Variants in NAPSA observed in about 807,000 individuals in gnomAD.
NAPSA encodes napsin-A.
Under a neutral mutation model 36.7 loss-of-function variants are expected in NAPSA, and 37 were observed. The ratio of observed to expected loss-of-function variants is 1.01; its 90% confidence interval spans 0.78 to 1.33. NAPSA has a LOEUF of 1.33. Among genes scored for constraint, NAPSA ranks in the 40% most tolerant of loss-of-function variants. The probability of loss-of-function intolerance (pLI) is 0.00; values close to 1 mark genes in which losing one functional copy is unlikely to be tolerated. For synonymous variants in NAPSA, 222 were observed against 234.5 expected, an observed-to-expected ratio of 0.95 and a Z score of 0.49; for missense variants, 532 against 543.8, an observed-to-expected ratio of 0.98 and a Z score of 0.21.
rs750473125 is a variant in NAPSA, at chr19:50,358,640, G to A, written c.1176C>T (p.Ser392=). Residue 392 remains serine (S), a synonymous_variant, in exon 9 of 9, where the codon AGC becomes AGT. Transcript: ENST00000253719. ...CGCGCGCCAGGCCCACCCGGGCGCT[G>A]CTCTTCATGTCCCCGCGGTCGAAGA... ...VAVFDRGDMK[S]SARVGLARAR... is the part of the protein sequence containing the mutation. 6.2e-7 allele frequency: 1 copy of A among 1,613,012 alleles called. No individual in the cohort carries two copies. Among genetic ancestry groups the A allele is most frequent in the Non-Finnish European group, 8.5e-7 (1 of 1,179,902 alleles).
chr19:50,361,617 G>A (rs2037474173), intron 4 of NAPSA, 46 bp downstream of exon 4: 15 of 1,493,606 alleles, frequency 1.0e-5, no homozygotes, highest in African/African-American at 1.4e-5. Flanking sequence ...CTTAGACAAT[G>A]GGGTTCTCCC....
rs2037434522 is a variant in NAPSA, at chr19:50,359,028, G to A, written c.1018C>T (p.His340Tyr). Reference protein sequence around the residue: ...LGGVWFNLTAHDYVIQTTRNG... With the variant: ...LGGVWFNLTAYDYVIQTTRNG... ...CCACCTACCTGGATGACGTAATCATGGGCCGTGAGGTTAAACCAGACCCCC... is the reference window on the plus strand; with the variant it reads ...CCACCTACCTGGATGACGTAATCATAGGCCGTGAGGTTAAACCAGACCCCC... The change falls in exon 8 of 9, where the codon CAT becomes TAT. Residue 340 changes from histidine to tyrosine, a missense_variant. His to Tyr is a moderately conservative substitution (Grantham distance 83). Around this residue, in one of 3 missense-constraint regions of NAPSA, gnomAD observed 385 missense variants for 371.5 expected, o/e 1.04. Transcript: ENST00000253719. The A allele has an allele frequency of 6.2e-6, 10 of 1,613,864 alleles. No individual in the cohort carries two copies. Among genetic ancestry groups the A allele is most frequent in the Non-Finnish European group, 7.6e-6 (9 of 1,179,790 alleles).
chr19:50,361,609 T>TA, intron 4 of NAPSA, 54 bp downstream of exon 4: 1 of 1,471,000 alleles, frequency 6.8e-7, no homozygotes, highest in Non-Finnish European at 9.5e-7. Context: ...CAGATGATCT[T>TA]AGACAATGGG....
At chr19:50,368,022 G>A (rs1449724951), upstream of NAPSA, among the ~76,000 whole-genome samples, 1 of 152,062 alleles carries the variant, frequency 6.6e-6, no homozygotes, top group African/African-American at 2.4e-5. Flanking sequence ...GCCAGGCGTG[G>A]TGGTCAGCGC....
At chr19:50,360,791 C>T (rs2037461146) in intron 5 of NAPSA, 150 bp downstream of exon 5, 4 of 746,518 alleles carry the variant, frequency 5.4e-6, no homozygotes, top group South Asian at 3.8e-5. Flanking sequence ...GATGCAACTT[C>T]TTGTATTGAA....
At chr19:50,366,646 G>GTTAT (rs56341915), upstream of NAPSA, among the ~76,000 whole-genome samples, 26,065 of 144,966 alleles carry the variant, frequency 0.18, 2,908 homozygotes, top group Non-Finnish European at 0.24. Context: ...GCATTGATGA[G>GTTAT]TTATTTATTT....
Position 50,359,513 on chromosome 19 carries a change from A to G in NAPSA, c.926T>C (p.Leu309Pro). ...AGACTGGGACCTCACCTCCCCAGCC[A>G]GCAAGGGGATTCCCCCAATGGCTGC... ...LHAAIGGIPL[L>P]AGEYIILCSE... Residue 309 changes from leucine to proline, a missense_variant, in exon 7 of 9, where the codon CTG (leucine) becomes CCG (proline). Physicochemically the swap from Leu to Pro is moderately conservative, Grantham distance 98. Around this residue, in one of 3 missense-constraint regions of NAPSA, gnomAD observed 385 missense variants for 371.5 expected, o/e 1.04. Coordinates refer to ENST00000253719, the MANE Select transcript of NAPSA (RefSeq NM_004851.3). 4.3e-6 allele frequency: 7 copies of G among 1,614,142 alleles called. No individual in the cohort carries two copies. The highest frequency in any genetic ancestry group is 5.1e-6 in the Non-Finnish European group (6 of 1,180,016).
At chr19:50,368,610 T>G (rs2037578302), upstream of NAPSA, among the ~76,000 whole-genome samples, 1 of 152,090 alleles carries the variant, frequency 6.6e-6, no homozygotes, top group South Asian at 2.1e-4. Flanking sequence ...CCCCCCTTTG[T>G]TTTCTCAGTC....
At chr19:50,360,838 C>G in intron 5 of NAPSA, 103 bp downstream of exon 5, 1 of 1,169,044 alleles carries the variant, frequency 8.6e-7, no homozygotes. Context: ...AAGTGGGTGA[C>G]TCTGAGAATG....
At chr19:50,366,208 C>A (rs2037547851), upstream of NAPSA, among the ~76,000 whole-genome samples, 2 of 150,370 alleles carry the variant, frequency 1.3e-5, no homozygotes, top group Admixed American at 1.3e-4. Context: ...TTTTTGAGAC[C>A]GAGTTTCACT....
At chr19:50,366,189 GTT>G (rs35291240), upstream of NAPSA, among the ~76,000 whole-genome samples, 2 of 143,114 alleles carry the variant, frequency 1.4e-5, no homozygotes. Context: ...TTGTTTTTTG[GTT>G]TTTTTTTTTT....
At chr19:50,361,892 C>A (rs536594316) in intron 3 of NAPSA, 77 bp downstream of exon 3, 8 of 1,599,970 alleles carry the variant, frequency 5.0e-6, no homozygotes, top group African/African-American at 2.7e-5. Context: ...TCCTCAAAAG[C>A]CTCTGAGAAG....
chr19:50,365,602 A>G lies in NAPSA; in HGVS notation c.20T>C (p.Leu7Pro). 6.2e-7 allele frequency: 1 copy of G among 1,612,566 alleles called. No individual in the cohort carries two copies. The highest frequency in any genetic ancestry group is 8.5e-7 in the Non-Finnish European group (1 of 1,179,474). ...AGGCAGCAGCAGCAGCAGGGGTTGC[A>G]GCAGCGGTGGTGGAGACATCGCTGG... The part of the protein sequence containing the change: MSPPPL[L>P]QPLLLLLPLL... The change falls in exon 1 of 9, where the codon CTG (leucine) becomes CCG (proline). Residue 7 changes from leucine (L) to proline (P), a missense_variant. By Grantham distance (98) the Leu-to-Pro change is moderately conservative (BLOSUM62 -3). Coordinates refer to ENST00000253719, the MANE Select transcript of NAPSA (RefSeq NM_004851.3).
rs1247407466 is a variant in NAPSA, at chr19:50,362,195, C to T, written c.202G>A (p.Val68Ile). 5.6e-6 allele frequency: 9 copies of T among 1,613,540 alleles called. No homozygotes were observed. The highest frequency in any genetic ancestry group is 4.0e-5 in the African/African-American group (3 of 74,924). Residue 68 changes from valine (V) to isoleucine (I), a missense_variant, in exon 2 of 9, where the codon GTA (valine) becomes ATA (isoleucine). Physicochemically the swap from Val to Ile is conservative, Grantham distance 29. Around this residue, in one of 3 missense-constraint regions of NAPSA, gnomAD observed 102 missense variants for 93.6 expected, o/e 1.09. Coordinates refer to ENST00000253719, the MANE Select transcript of NAPSA (RefSeq NM_004851.3). ...ACATCCCTGTAGTTCGAGAGAGGTA[C>T]GAAGATGGGCTTGTCCCCAGGGGAT... ...APSPGDKPIF[V>I]PLSNYRDVQY...
At position 50,362,022 on chromosome 19, in the gene NAPSA, G is replaced by T. The variant is rs776944945; in HGVS notation, c.296C>A (p.Ser99Tyr). ...CCTGGACGGGACCCAGAGATTGGAG[G>T]AGCCAGTGTCAAAGGCAACAGTGAA... is the stretch of plus-strand genomic sequence containing the variant. Reference protein sequence around the residue: ...QNFTVAFDTGSSNLWVPSRRC... With the variant: ...QNFTVAFDTGYSNLWVPSRRC... Residue 99 changes from serine to tyrosine, a missense_variant, in exon 3 of 9, where the codon TCC becomes TAC. This residue lies in a region of NAPSA where 45 missense variants were observed against 78.7 expected (regional missense o/e 0.57). Coordinates refer to ENST00000253719, the MANE Select transcript of NAPSA (RefSeq NM_004851.3). The T allele has an allele frequency of 6.2e-7, 1 of 1,610,742 alleles. No individual in the cohort carries two copies. The highest frequency in any genetic ancestry group is 1.3e-5 in the African/African-American group (1 of 74,906).
chr19:50,360,255 T>C (rs878872849), intron 5 of NAPSA, among the ~76,000 whole-genome samples: 1 of 152,086 alleles, frequency 6.6e-6, no homozygotes, highest in African/African-American at 2.4e-5. Flanking sequence ...TGTTGTGATA[T>C]CTAGAGAGGT....
In NAPSA at chr19:50,361,813, G is replaced by T. The variant is rs374073747; in HGVS notation, c.350-32C>A. ...TAGAGGTCAGAAAGGTGTCATGGGG[G>T]AGGGAATCTCCCCAGTGCCTACTGC... On this transcript the variant is annotated intron_variant, in intron 3 of 8. Transcript: ENST00000253719. 17 of 1,605,036 alleles carry T rather than the reference G, an allele frequency of 1.1e-5. No individual in the cohort carries two copies. The African/African-American group carries it at 2.3e-4, about 21-fold the overall frequency.
In NAPSA at chr19:50,361,147, G is replaced by T; in HGVS notation, c.469-7C>A. ...CACCCTTGATTCCACCAATCTAGGG[G>T]TAGATTGAGATGTGACCAGTTACTT... On this transcript the variant is annotated splice_region_variant and splice_polypyrimidine_tract_variant and intron_variant, in intron 4 of 8. Transcript: ENST00000253719. The T allele has an allele frequency of 6.2e-7, 1 of 1,609,698 alleles. No homozygotes were observed. The highest frequency in any genetic ancestry group is 8.5e-7 in the Non-Finnish European group (1 of 1,176,832).
chr19:50,367,699 C>T (rs1011463757), upstream of NAPSA, among the ~76,000 whole-genome samples: 8 of 152,122 alleles, frequency 5.3e-5, no homozygotes, highest in East Asian at 1.9e-4. Context: ...CCTGTAACCA[C>T]GACCTACCTG....
Sources: gnomAD v4.1 joint callset for allele counts (sites outside exome capture counted in the v4.1 genomes callset) on GRCh38, gnomAD v4.1.1 for gene constraint, gnomAD v4.1.1 regional missense constraint, MANE v1.5 for transcripts, NCBI Gene and HGNC (gene_info 2026-07-23, HGNC 2026-07-21) for gene names.